Variants in PVT1 observed in about 807,000 individuals in gnomAD.
PVT1 encodes Pvt1 oncogene, also known as CXCR4/PVT1 fusion.
At chr8:127,876,852 T>G (rs982775779) in intron 2 of PVT1, among the ~76,000 whole-genome samples, 1 of 152,166 alleles carries the variant, frequency 6.6e-6, no homozygotes, top group African/African-American at 2.4e-5. Flanking sequence ...CCCCCCAATT[T>G]GGACTTACCC....
At chr8:127,981,819 G>A (rs1816885892) in intron 3 of PVT1, among the ~76,000 whole-genome samples, 1 of 152,238 alleles carries the variant, frequency 6.6e-6, no homozygotes, top group African/African-American at 2.4e-5. Flanking sequence ...AGTTTCCAAA[G>A]CATTTCCTCA....
At chr8:128,086,407 C>T (rs1814255368) in intron 5 of PVT1, among the ~76,000 whole-genome samples, 1 of 152,158 alleles carries the variant, frequency 6.6e-6, no homozygotes, top group Non-Finnish European at 1.5e-5. Flanking sequence ...CTATGCTAAT[C>T]CTCATGTGAA....
At chr8:127,833,541 C>T (rs1263506639) in intron 2 of PVT1, among the ~76,000 whole-genome samples, 3 of 151,986 alleles carry the variant, frequency 2.0e-5, no homozygotes, top group South Asian at 2.1e-4. Flanking sequence ...GCAACCTCAG[C>T]TTCCTGGGCT....
At chr8:127,913,503 A>C (rs991020542) in intron 3 of PVT1, among the ~76,000 whole-genome samples, 1 of 152,172 alleles carries the variant, frequency 6.6e-6, no homozygotes, top group African/African-American at 2.4e-5. Context: ...CATGGGGGAC[A>C]GGGGCAGTTA....
intron 4 of PVT1, among the ~76,000 whole-genome samples, chr8:128,050,883 T>C (rs1437884619): frequency 6.6e-6 from 1 of 152,224 alleles, no homozygotes; most frequent in African/African-American, 2.4e-5. Context: ...ACTTCCTCTG[T>C]GGGTTTTTCT....
chr8:127,980,947 C>G (rs546995634), intron 3 of PVT1, among the ~76,000 whole-genome samples: 5 of 152,012 alleles, frequency 3.3e-5, no homozygotes, highest in African/African-American at 1.2e-4. Context: ...CGGGCATCCA[C>G]CACAACACCC....
At chr8:128,055,798 A>G (rs1813755871) in intron 4 of PVT1, among the ~76,000 whole-genome samples, 1 of 152,180 alleles carries the variant, frequency 6.6e-6, no homozygotes, top group South Asian at 2.1e-4. Context: ...AGTCTAGCTC[A>G]ACCTTCTTTA....
intron 3 of PVT1, among the ~76,000 whole-genome samples, chr8:127,897,682 G>A (rs1224505393): frequency 6.8e-6 from 1 of 146,518 alleles, no homozygotes; most frequent in Non-Finnish European, 1.5e-5. Flanking sequence ...AAGAAAGAAA[G>A]AAAAAGGAAG....
chr8:127,916,938 T>C (rs914845143), intron 3 of PVT1, among the ~76,000 whole-genome samples: 4 of 152,340 alleles, frequency 2.6e-5, no homozygotes, highest in Admixed American at 2.0e-4. Context: ...TGGATTGTTA[T>C]GTATCCTTTC....
chr8:128,021,143 G>A (rs781752531), intron 4 of PVT1, among the ~76,000 whole-genome samples: 1 of 151,968 alleles, frequency 6.6e-6, no homozygotes, highest in Non-Finnish European at 1.5e-5. Context: ...CCTGGAGTGC[G>A]GCTTTGCTTC....
intron 3 of PVT1, among the ~76,000 whole-genome samples, chr8:127,944,970 G>A (rs976273424): frequency 3.2e-4 from 49 of 152,194 alleles, no homozygotes; most frequent in African/African-American, 1.2e-3. Context: ...AAAGCTTTCC[G>A]GGGAGTCTGA....
intron 3 of PVT1, among the ~76,000 whole-genome samples, chr8:127,938,946 G>GT (rs1002901068): frequency 3.3e-4 from 50 of 152,354 alleles, no homozygotes; most frequent in African/African-American, 1.2e-3. Flanking sequence ...CATAGATGAG[G>GT]AAACTGAGGC....
At chr8:127,960,225 G>A (rs57964165) in intron 3 of PVT1, among the ~76,000 whole-genome samples, 5,587 of 152,104 alleles carry the variant, frequency 0.037, 175 homozygotes, top group African/African-American at 0.082. Context: ...TCCCTTTTTT[G>A]AACAGAGGGG....
chr8:128,093,069 TC>T (rs1326466662), intron 5 of PVT1, among the ~76,000 whole-genome samples: 1 of 152,220 alleles, frequency 6.6e-6, no homozygotes, highest in Non-Finnish European at 1.5e-5. Flanking sequence ...GATCTGTCTT[TC>T]TTTTTTGATC....
intron 4 of PVT1, among the ~76,000 whole-genome samples, chr8:128,031,121 C>T (rs961989709): frequency 2.0e-5 from 3 of 152,188 alleles, no homozygotes; most frequent in Non-Finnish European, 4.4e-5. Flanking sequence ...TGGCCTGTTC[C>T]AGGACAGATC....
At chr8:127,918,550 T>A (rs1816019524) in intron 3 of PVT1, among the ~76,000 whole-genome samples, 1 of 152,200 alleles carries the variant, frequency 6.6e-6, no homozygotes, top group Non-Finnish European at 1.5e-5. Context: ...CTGAAGCCAT[T>A]GTGCCATAGC....
At chr8:127,843,738 C>G (rs1359439824) in intron 2 of PVT1, among the ~76,000 whole-genome samples, 1 of 124,724 alleles carries the variant, frequency 8.0e-6, no homozygotes, top group Admixed American at 8.6e-5. Context: ...AGCCACCACG[C>G]CTGGCCTGTT....
intron 2 of PVT1, among the ~76,000 whole-genome samples, chr8:127,842,858 A>G (rs1310741821): frequency 6.6e-6 from 1 of 152,204 alleles, no homozygotes; most frequent in African/African-American, 2.4e-5. Context: ...AGGGGGTTGA[A>G]TGAGGTGGCC....
intron 2 of PVT1, among the ~76,000 whole-genome samples, chr8:127,852,529 G>A (rs373451445): frequency 2.6e-5 from 4 of 152,206 alleles, no homozygotes; most frequent in East Asian, 1.9e-4. Context: ...CTGGCTCTCA[G>A]CATCCTCTTG....
Sources: allele counts gnomAD v4.1 joint callset (sites outside exome capture counted in the v4.1 genomes callset), GRCh38; gene constraint gnomAD v4.1.1; transcripts MANE v1.5; gene names NCBI Gene and HGNC (gene_info 2026-07-23, HGNC 2026-07-21).